ASAP1: variants seen among roughly 807,000 people sequenced by gnomAD.
The protein encoded by ASAP1 is arf-GAP with SH3 domain, ANK repeat and PH domain-containing protein 1.
Under a neutral mutation model 145.2 loss-of-function variants are expected in ASAP1, and 43 were observed. The observed-to-expected ratio is 0.30, with a 90% CI of 0.23 to 0.38. The LOEUF (loss-of-function observed/expected upper bound fraction) is 0.38. Among genes scored for constraint, ASAP1 ranks in the 10% least tolerant of loss-of-function variants. ASAP1 has a pLI of 1.00. For missense variants in ASAP1, 1,018 were observed against 1,355.3 expected, an observed-to-expected ratio of 0.75 and a Z score of 3.91; for synonymous variants, 546 against 515.5, an observed-to-expected ratio of 1.06 and a Z score of -0.80.
intron 5 of ASAP1, among the ~76,000 whole-genome samples, chr8:130,194,463 C>G (rs1056199819): frequency 6.6e-6 from 1 of 151,996 alleles, no homozygotes; most frequent in Non-Finnish European, 1.5e-5. Flanking sequence ...TATTGTGCCA[C>G]GAAGATGGAG....
At chr8:130,133,684 CAAACAA>C (rs2097587187) in intron 15 of ASAP1, among the ~76,000 whole-genome samples, 1 of 147,612 alleles carries the variant, frequency 6.8e-6, no homozygotes, top group South Asian at 2.1e-4. Context: ...AACAAACAAA[CAAACAA>C]AAAAAAAAAC....
At chr8:130,363,941 T>C (rs1826831163) in intron 2 of ASAP1, among the ~76,000 whole-genome samples, 1 of 152,208 alleles carries the variant, frequency 6.6e-6, no homozygotes. Flanking sequence ...GGGAGGGGGC[T>C]GTACTTGATT....
chr8:130,290,068 G>T (rs1821858122), intron 3 of ASAP1, among the ~76,000 whole-genome samples: 1 of 152,132 alleles, frequency 6.6e-6, no homozygotes, highest in Non-Finnish European at 1.5e-5. Context: ...GGCCCGAGAG[G>T]TGTCATATTC....
At chr8:130,146,717 G>A (rs911593006) in intron 13 of ASAP1, among the ~76,000 whole-genome samples, 3 of 152,104 alleles carry the variant, frequency 2.0e-5, no homozygotes, top group African/African-American at 4.8e-5. Flanking sequence ...TATCTTCAGC[G>A]CTCTGGATGG....
chr8:130,126,428 C>T (rs2097575088), intron 16 of ASAP1, among the ~76,000 whole-genome samples: 1 of 152,192 alleles, frequency 6.6e-6, no homozygotes, highest in Non-Finnish European at 1.5e-5. Flanking sequence ...AAGTACTGCT[C>T]ACAGGGGAGT....
intron 25 of ASAP1, among the ~76,000 whole-genome samples, chr8:130,080,179 A>G (rs2097475897): frequency 6.6e-6 from 1 of 152,144 alleles, no homozygotes; most frequent in Non-Finnish European, 1.5e-5. Flanking sequence ...CTGGTAAAGG[A>G]GTGTATCAAA....
chr8:130,206,595 C>T (rs1816239363), intron 5 of ASAP1, among the ~76,000 whole-genome samples: 1 of 152,186 alleles, frequency 6.6e-6, no homozygotes, highest in South Asian at 2.1e-4. Context: ...TTTAATGAGA[C>T]TCAAGCTCTT....
intron 9 of ASAP1, among the ~76,000 whole-genome samples, chr8:130,171,513 GAAC>G (rs1813594504): frequency 6.6e-6 from 1 of 152,240 alleles, no homozygotes; most frequent in Non-Finnish European, 1.5e-5. Flanking sequence ...ATTATCAAGA[GAAC>G]AGCATGGGGG....
chr8:130,359,067 G>A (rs1443657071), intron 2 of ASAP1, among the ~76,000 whole-genome samples: 2 of 152,186 alleles, frequency 1.3e-5, no homozygotes, highest in Non-Finnish European at 2.9e-5. Context: ...GCAGCTGCCC[G>A]CTCGCCCCAT....
At chr8:130,360,451 T>C (rs1826657863) in intron 2 of ASAP1, among the ~76,000 whole-genome samples, 1 of 152,178 alleles carries the variant, frequency 6.6e-6, no homozygotes, top group Admixed American at 6.5e-5. Flanking sequence ...TAGAAAAGTG[T>C]GAGATGTTCA....
chr8:130,078,808 C>T (rs1223285338), intron 26 of ASAP1, among the ~76,000 whole-genome samples: 1 of 152,074 alleles, frequency 6.6e-6, no homozygotes, highest in Non-Finnish European at 1.5e-5. Context: ...ACCACCTAAC[C>T]ACTCTGGGCC....
At chr8:130,336,440 G>C (rs1295363831) in intron 3 of ASAP1, among the ~76,000 whole-genome samples, 1 of 152,212 alleles carries the variant, frequency 6.6e-6, no homozygotes, top group East Asian at 1.9e-4. Flanking sequence ...CTCTCCAGGT[G>C]ATTTGTATGC....
At chr8:130,158,266 T>G (rs113718080) in intron 12 of ASAP1, among the ~76,000 whole-genome samples, 2,322 of 151,892 alleles carry the variant, frequency 0.015, 62 homozygotes, top group African/African-American at 0.052. Flanking sequence ...TCCCAATACT[T>G]TGGGGGACCA....
intron 2 of ASAP1, among the ~76,000 whole-genome samples, chr8:130,381,284 T>G (rs991287705): frequency 1.3e-5 from 2 of 152,172 alleles, no homozygotes; most frequent in African/African-American, 4.8e-5. Context: ...CACCTTGGCC[T>G]CCCAAAGGGC....
At chr8:130,103,689 G>A (rs2097532540) in intron 24 of ASAP1, among the ~76,000 whole-genome samples, 1 of 152,112 alleles carries the variant, frequency 6.6e-6, no homozygotes, top group South Asian at 2.1e-4. Context: ...TTTTAGTAGA[G>A]ATGGGGTTTC....
At chr8:130,193,969 C>A (rs1011009898) in intron 5 of ASAP1, among the ~76,000 whole-genome samples, 1 of 152,104 alleles carries the variant, frequency 6.6e-6, no homozygotes, top group Non-Finnish European at 1.5e-5. Flanking sequence ...GGATTACAGG[C>A]GTGAGCAACC....
chr8:130,264,003 CCT>C (rs1228183114), intron 3 of ASAP1, among the ~76,000 whole-genome samples: 7 of 152,168 alleles, frequency 4.6e-5, no homozygotes, highest in Admixed American at 2.6e-4. Flanking sequence ...GGTTCTAGCC[CCT>C]GTTAAAACTA....
intron 13 of ASAP1, among the ~76,000 whole-genome samples, chr8:130,137,600 A>C (rs192018948): frequency 9.2e-5 from 14 of 152,346 alleles, no homozygotes; most frequent in Admixed American, 3.9e-4. Flanking sequence ...GGATTCAACA[A>C]ATTTTGGTTG....
chr8:130,339,645 T>A (rs1290229117), intron 3 of ASAP1, among the ~76,000 whole-genome samples: 2 of 152,094 alleles, frequency 1.3e-5, no homozygotes, highest in Non-Finnish European at 2.9e-5. Flanking sequence ...ACTTAAAACA[T>A]AAAACACAAT....
Sources: gnomAD v4.1 joint callset for allele counts (sites outside exome capture counted in the v4.1 genomes callset) on GRCh38, gnomAD v4.1.1 for gene constraint, MANE v1.5 for transcripts, NCBI Gene and HGNC (gene_info 2026-07-23, HGNC 2026-07-21) for gene names.